Variants in CLCN3 observed in about 807,000 individuals in gnomAD.
CLCN3 encodes H(+)/Cl(-) exchange transporter 3.
CLCN3 carries 16 observed loss-of-function variants against 83.4 expected under a neutral mutation model. The ratio of observed to expected loss-of-function variants is 0.19; its 90% CI spans 0.13 to 0.29. The LOEUF is 0.29. Among genes scored for constraint, CLCN3 ranks in the 10% least tolerant of loss-of-function variants. The probability of loss-of-function intolerance (pLI) is 1.00; values close to 1 mark genes in which losing one functional copy is unlikely to be tolerated. For missense variants in CLCN3, 544 were observed against 1,006.0 expected (o/e 0.54, Z 6.21); for synonymous variants, 322 against 346.2 (o/e 0.93, Z 0.78).
intron 1 of CLCN3, among the ~76,000 whole-genome samples, chr4:169,624,853 G>A (rs557807085): frequency 1.2e-4 from 18 of 152,082 alleles, no homozygotes; most frequent in African/African-American, 2.7e-4. Context: ...GTGCAGTGGC[G>A]CGATCTCAGC....
intron 11 of CLCN3, among the ~76,000 whole-genome samples, chr4:169,712,031 T>G (rs1733238360): frequency 6.7e-6 from 1 of 149,972 alleles, no homozygotes; most frequent in Admixed American, 6.6e-5. Context: ...ATTTTTTTTT[T>G]TTTTTTTTTT....
chr4:169,689,547 A>G (rs1384148884), intron 5 of CLCN3, among the ~76,000 whole-genome samples: 2 of 152,248 alleles, frequency 1.3e-5, no homozygotes, highest in Non-Finnish European at 1.5e-5. Context: ...AAACTAATAT[A>G]TTACTAAGAT....
At position 169,720,248 on chromosome 4, in the gene CLCN3, C is replaced by T; in HGVS notation, c.*251C>T. 1.7e-6 allele frequency: 1 copy of T among 583,982 alleles called. No homozygotes were observed. The highest frequency in any genetic ancestry group is 3.0e-6 in the Non-Finnish European group (1 of 330,566). The allele number at this position is 583,982 out of a possible 1,614,324, so 36.2% of individuals were successfully genotyped here. On this transcript the variant is annotated 3_prime_UTR_variant, in exon 13 of 13. Coordinates refer to ENST00000513761, the MANE Select transcript of CLCN3 (RefSeq NM_001829.4). ...CGTCTAACAGAAAGCAGCGTATCAA[C>T]TCCTATTGTTCTGCACTGGATGCAT...
intron 12 of CLCN3, among the ~76,000 whole-genome samples, chr4:169,714,579 T>C (rs1733354413): frequency 6.6e-6 from 1 of 152,174 alleles, no homozygotes; most frequent in Non-Finnish European, 1.5e-5. Flanking sequence ...AGCCTCTTGC[T>C]ACTATTTTGC....
chr4:169,686,404 T>A (rs979399368), intron 3 of CLCN3, among the ~76,000 whole-genome samples: 2 of 150,480 alleles, frequency 1.3e-5, no homozygotes, highest in African/African-American at 4.9e-5. Context: ...ACTGAAGTCC[T>A]GGGCTGAAAA....
At chr4:169,628,221 G>C (rs1773282664) in intron 1 of CLCN3, among the ~76,000 whole-genome samples, 1 of 152,128 alleles carries the variant, frequency 6.6e-6, no homozygotes, top group African/African-American at 2.4e-5. Flanking sequence ...AGGAAAAATA[G>C]AAGAAAATTT....
intron 1 of CLCN3, among the ~76,000 whole-genome samples, chr4:169,626,530 C>T (rs1773239683): frequency 6.6e-6 from 1 of 152,254 alleles, no homozygotes; most frequent in Non-Finnish European, 1.5e-5. Flanking sequence ...CTGGGGCAAG[C>T]TCCCTTCTAA....
intron 4 of CLCN3, among the ~76,000 whole-genome samples, chr4:169,688,083 T>A (rs961035085): frequency 6.6e-6 from 1 of 152,184 alleles, no homozygotes; most frequent in Non-Finnish European, 1.5e-5. Context: ...CTTGAGTGCT[T>A]CCTATGTGTT....
intron 2 of CLCN3, among the ~76,000 whole-genome samples, chr4:169,666,173 A>G (rs1254299823): frequency 6.6e-6 from 1 of 152,342 alleles, no homozygotes; most frequent in Non-Finnish European, 1.5e-5. Context: ...AAAAGGAAAG[A>G]TTAAAAAAAC....
chr4:169,622,710 A>G (rs1179262481), intron 1 of CLCN3, among the ~76,000 whole-genome samples: 1 of 152,188 alleles, frequency 6.6e-6, no homozygotes, highest in Non-Finnish European at 1.5e-5. Context: ...CAGAAAATTT[A>G]ACTAACTTGC....
chr4:169,646,862 A>C (rs537762019), intron 2 of CLCN3, among the ~76,000 whole-genome samples: 1 of 152,342 alleles, frequency 6.6e-6, no homozygotes, highest in East Asian at 1.9e-4. Flanking sequence ...CATCTAAAAA[A>C]TGAAGGGAAA....
In CLCN3 at chr4:169,702,027, C is replaced by T. The variant is rs571102939; in HGVS notation, c.1564-1971C>T. ...ATATTCATAAACTCCATGATTTTGCCTCTAAATGTGCATGCTTGAGCCCAC... is the reference window on the plus strand; with the variant it reads ...ATATTCATAAACTCCATGATTTTGCTTCTAAATGTGCATGCTTGAGCCCAC... On this transcript the variant is annotated intron_variant, in intron 9 of 12. Transcript: ENST00000513761. Among the ~76,000 whole-genome samples the T allele has an allele frequency of 2.6e-5, 4 of 152,266 alleles. No homozygotes were observed. The South Asian group carries it at 8.3e-4, about 32-fold the overall frequency.
chr4:169,690,605 C>T lies in CLCN3; in HGVS notation c.682C>T (p.Leu228=), dbSNP rs376811766. ...GAGTTTTGCCTTTCTTGCAGTTTCC[C>T]TGGTAAAGGTATTTGCTCCATATGC... ...ALSFAFLAVS[L]VKVFAPYACG... is the part of the protein sequence containing the mutation. Residue 228 remains leucine, a synonymous_variant, in exon 6 of 13, where the codon CTG becomes TTG. Coordinates refer to ENST00000513761, the MANE Select transcript of CLCN3 (RefSeq NM_001829.4). 1 of 1,613,574 alleles carries T rather than the reference C, an allele frequency of 6.2e-7. No individual in the cohort carries two copies. The highest frequency in any genetic ancestry group is 8.5e-7 in the Non-Finnish European group (1 of 1,179,662).
intron 2 of CLCN3, among the ~76,000 whole-genome samples, chr4:169,671,677 A>G (rs1365963034): frequency 1.3e-5 from 2 of 152,160 alleles, no homozygotes; most frequent in Non-Finnish European, 2.9e-5. Flanking sequence ...ATACTGTAAT[A>G]TCGAATCGTG....
chr4:169,699,267 T>C (rs1732686101), intron 9 of CLCN3, among the ~76,000 whole-genome samples: 1 of 152,132 alleles, frequency 6.6e-6, no homozygotes, highest in African/African-American at 2.4e-5. Flanking sequence ...GGCAGCTGGG[T>C]CTTATGCCCT....
At chr4:169,686,419 CT>C (rs34609299) in intron 3 of CLCN3, among the ~76,000 whole-genome samples, 182 of 141,514 alleles carry the variant, frequency 1.3e-3, no homozygotes, top group Admixed American at 1.6e-3. Context: ...TGAAAATTGA[CT>C]TTTTTTTTTT....
intron 2 of CLCN3, among the ~76,000 whole-genome samples, chr4:169,651,041 A>G (rs1231841865): frequency 6.6e-6 from 1 of 152,184 alleles, no homozygotes; most frequent in African/African-American, 2.4e-5. Context: ...ATGCCAGTGG[A>G]AAGTCAATCA....
chr4:169,628,661 C>G (rs77924871), intron 1 of CLCN3, among the ~76,000 whole-genome samples: 1 of 152,052 alleles, frequency 6.6e-6, no homozygotes, highest in Non-Finnish European at 1.5e-5. Flanking sequence ...ATGCTGGCAA[C>G]GAGGTCAAGA....
chr4:169,660,479 G>T, intron 2 of CLCN3: 2 of 1,294,924 alleles, frequency 1.5e-6, no homozygotes, highest in African/African-American at 3.1e-5. Context: ...TGAATTCTCT[G>T]TTGGTATGTT....
Sources: allele counts gnomAD v4.1 joint callset (sites outside exome capture counted in the v4.1 genomes callset), GRCh38; gene constraint gnomAD v4.1.1; transcripts MANE v1.5; gene names NCBI Gene and HGNC (gene_info 2026-07-23, HGNC 2026-07-21).